Variants in NDUFAF7 observed in about 807,000 individuals in gnomAD.
NDUFAF7 encodes NADH:ubiquinone oxidoreductase complex assembly factor 7, also known as protein arginine methyltransferase NDUFAF7, mitochondrial.
Under a neutral mutation model 47.2 loss-of-function variants are expected in NDUFAF7, and 48 were observed. The ratio of observed to expected loss-of-function variants is 1.02; its 90% CI spans 0.81 to 1.29. The LOEUF (loss-of-function observed/expected upper bound fraction) is 1.29, where lower values mean the gene tolerates loss of function less well. NDUFAF7 is among the 50% of genes most tolerant of loss of function. The probability of loss-of-function intolerance (pLI) is 0.00; values close to 1 mark genes in which losing one functional copy is unlikely to be tolerated. For missense variants in NDUFAF7, 635 were observed against 537.6 expected (o/e 1.18, Z -1.79); for synonymous variants, 217 against 190.0 (o/e 1.14, Z -1.17).
intron 3 of NDUFAF7, 77 bp downstream of exon 3, chr2:37,236,253 G>A (rs1054507921): frequency 2.5e-6 from 3 of 1,224,196 alleles, no homozygotes; most frequent in African/African-American, 3.0e-5. Flanking sequence ...TTCTGTAGTA[G>A]TGTTCTACAG....
chr2:37,252,937 T>G (rs1052354706), downstream of NDUFAF7: 5 of 309,458 alleles, frequency 1.6e-5, no homozygotes, highest in African/African-American at 1.1e-4. Context: ...ACAAAACCAG[T>G]TATTGCTTAG....
Position 37,231,711 on chromosome 2 carries a change from T to G in NDUFAF7, c.6T>G (p.Ser2Arg), listed in dbSNP as rs1286722310. The G allele has an allele frequency of 2.5e-6, 4 of 1,613,950 alleles. No homozygotes were observed. The Admixed American group carries it at 5.0e-5, about 20-fold the overall frequency. ...GCTAGCCTGCGAATTTCAGCATGAG[T>G]GTACTGCTGAGGTCAGGTTTGGGGC... is the stretch of plus-strand genomic sequence containing the variant. Reference protein sequence around the residue: MSVLLRSGLGPL... With the variant: MRVLLRSGLGPL... Residue 2 changes from serine (S) to arginine (R), a missense_variant, in exon 1 of 10, where the codon AGT becomes AGG. By Grantham distance (110) the Ser-to-Arg change is moderately radical (BLOSUM62 -1). Transcript: ENST00000002125.
chr2:37,251,700 C>T (rs1294914518), downstream of NDUFAF7: 1 of 151,674 alleles, frequency 6.6e-6, no homozygotes, highest in African/African-American at 2.4e-5. Flanking sequence ...TGCATTCATA[C>T]ATATCTGATC....
At chr2:37,253,810 T>A (rs1372660690), downstream of NDUFAF7, among the ~76,000 whole-genome samples, 6 of 152,196 alleles carry the variant, frequency 3.9e-5, no homozygotes, top group Non-Finnish European at 7.3e-5. Flanking sequence ...ACTCTGAAGT[T>A]TGGAGGGTAT....
intron 2 of NDUFAF7, among the ~76,000 whole-genome samples, chr2:37,235,262 A>G (rs1665633258): frequency 2.0e-5 from 3 of 152,150 alleles, no homozygotes; most frequent in African/African-American, 7.2e-5. Context: ...CTAATAAGAA[A>G]AAAAAAAACA....
chr2:37,235,246 G>A (rs1341351344), intron 2 of NDUFAF7, among the ~76,000 whole-genome samples: 1 of 151,636 alleles, frequency 6.6e-6, no homozygotes, highest in East Asian at 1.9e-4. Flanking sequence ...GTCTGGACAA[G>A]CAAGGCTAAT....
chr2:37,245,981 A>C, intron 7 of NDUFAF7, 71 bp from the exon 8 acceptor site: 1 of 1,539,444 alleles, frequency 6.5e-7, no homozygotes, highest in East Asian at 2.3e-5. Context: ...TTGAGGAAAA[A>C]CCTGAAAAAC....
At chr2:37,247,390 T>C in intron 8 of NDUFAF7, 66 bp from the exon 9 acceptor site, 2 of 1,550,424 alleles carry the variant, frequency 1.3e-6, no homozygotes, top group Non-Finnish European at 1.8e-6. Context: ...ATAACTTTAA[T>C]ATGATAGCAT....
chr2:37,267,149 G>A, the NDUFAF7 span, among the ~76,000 whole-genome samples: 1 of 152,112 alleles, frequency 6.6e-6, no homozygotes, highest in African/African-American at 2.4e-5. Context: ...AAAACTGGAT[G>A]GGTAAAACAG....
chr2:37,254,211 C>A (rs1435413708), downstream of NDUFAF7: 1 of 1,608,934 alleles, frequency 6.2e-7, no homozygotes, highest in Admixed American at 1.7e-5. Flanking sequence ...TACCTGTAGC[C>A]AGGGATGACT....
At chr2:37,254,284 C>A, downstream of NDUFAF7, 3 of 1,612,258 alleles carry the variant, frequency 1.9e-6, no homozygotes, top group Non-Finnish European at 2.5e-6. Flanking sequence ...TTTATCAGAT[C>A]AATTGCTAAG....
chr2:37,234,554 C>T (rs911696000), intron 2 of NDUFAF7, among the ~76,000 whole-genome samples: 1 of 150,214 alleles, frequency 6.7e-6, no homozygotes, highest in African/African-American at 2.4e-5. Flanking sequence ...GTTCATAACA[C>T]AAAAAAGCGT....
chr2:37,255,363 A>T (rs2148476281), downstream of NDUFAF7, among the ~76,000 whole-genome samples: 1 of 152,336 alleles, frequency 6.6e-6, no homozygotes, highest in South Asian at 2.1e-4. Context: ...AGATGGGGGT[A>T]TTCCCCAGCA....
At chr2:37,259,674 A>G in the NDUFAF7 span, 3 of 1,608,358 alleles carry the variant, frequency 1.9e-6, no homozygotes, top group Non-Finnish European at 2.6e-6. Context: ...CCTCAAAGCA[A>G]CAAGTATCTG....
chr2:37,264,438 A>G, the NDUFAF7 span, among the ~76,000 whole-genome samples: 3 of 148,330 alleles, frequency 2.0e-5, no homozygotes, highest in Non-Finnish European at 3.0e-5. Context: ...GAGACAGACA[A>G]TGGGAAATAA....
chr2:37,242,580 A>G, intron 5 of NDUFAF7, 55 bp from the exon 6 acceptor site: 1 of 1,397,354 alleles, frequency 7.2e-7, no homozygotes, highest in Non-Finnish European at 1.0e-6. Flanking sequence ...AATATTCAAA[A>G]GAATTAATTC....
At chr2:37,256,475 GAC>G (rs2148480597), downstream of NDUFAF7, among the ~76,000 whole-genome samples, 1 of 152,154 alleles carries the variant, frequency 6.6e-6, no homozygotes, top group African/African-American at 2.4e-5. Context: ...CTATACAGAA[GAC>G]ACAGATAAAA....
intron 7 of NDUFAF7, among the ~76,000 whole-genome samples, 179 bp downstream of exon 7, chr2:37,244,152 A>G (rs1055452216): frequency 1.3e-5 from 2 of 152,174 alleles, no homozygotes; most frequent in African/African-American, 4.8e-5. Context: ...CATGGGTTAA[A>G]ATCATTTCTT....
chr2:37,240,672 A>C (rs1298849892), intron 4 of NDUFAF7, among the ~76,000 whole-genome samples: 1 of 152,180 alleles, frequency 6.6e-6, no homozygotes, highest in Non-Finnish European at 1.5e-5. Context: ...CTCTTGTTCA[A>C]GTACTTTAAA....
Sources: allele counts gnomAD v4.1 joint callset (sites outside exome capture counted in the v4.1 genomes callset), GRCh38; gene constraint gnomAD v4.1.1; transcripts MANE v1.5; gene names NCBI Gene and HGNC (gene_info 2026-07-23, HGNC 2026-07-21).